The following MTA1 variants were observed in gnomAD, a reference collection of about 807,000 sequenced individuals.
The protein encoded by MTA1 is metastasis-associated protein MTA1.
A neutral mutation model predicts 97.0 loss-of-function variants in MTA1; 15 were observed. The observed-to-expected ratio is 0.15, with a 90% CI of 0.10 to 0.24. The LOEUF is 0.24. Among genes scored for constraint, MTA1 ranks in the 10% least tolerant of loss-of-function variants. The pLI is 1.00. For synonymous variants in MTA1, 435 were observed against 417.5 expected, an observed-to-expected ratio of 1.04 and a Z score of -0.51; for missense variants, 709 against 1,015.1, an observed-to-expected ratio of 0.70 and a Z score of 4.10.
intron 6 of MTA1, among the ~76,000 whole-genome samples, chr14:105,451,775 CTTTTTTTGTTTTTTTTT>C (rs1424676201): frequency 1.6e-4 from 19 of 118,284 alleles, no homozygotes; most frequent in South Asian, 2.7e-4. Context: ...TTTTCTTTTT[CTTTTTTTGTTTTTTTTT>C]TTTTTTTTTT....
chr14:105,467,344 G>A (rs1330314200), intron 18 of MTA1, among the ~76,000 whole-genome samples: 1 of 152,150 alleles, frequency 6.6e-6, no homozygotes, highest in Non-Finnish European at 1.5e-5. Context: ...CAGTGTGGAT[G>A]TGCCTGGAGC....
chr14:105,451,784 T>C (rs2082946214), intron 6 of MTA1, among the ~76,000 whole-genome samples: 1 of 18,938 alleles, frequency 5.3e-5, no homozygotes, highest in Non-Finnish European at 1.4e-4. Flanking sequence ...TCTTTTTTTG[T>C]TTTTTTTTTT....
chr14:105,463,950 C>A lies in MTA1; in HGVS notation c.1077-82C>A. 1.5e-6 allele frequency: 2 copies of A among 1,366,690 alleles called. No individual in the cohort carries two copies. Among genetic ancestry groups the A allele is most frequent in the Non-Finnish European group, 2.1e-6 (2 of 959,586 alleles). 84.7% of individuals were successfully genotyped at this position (1,366,690 alleles called of 1,614,324 possible). The stretch of plus-strand genomic sequence containing the variant: ...GACGTGGTTCTGGACAAGGGGTGGT[C>A]AGCCGCGGTGCCTGCTGGGCACATG... On this transcript the variant is annotated intron_variant, in intron 12 of 20. Transcript: ENST00000331320. This position sits in a 1 kb window ranked among gnomAD's most constrained non-coding sequence, Gnocchi z 5.9.
chr14:105,431,705 A>C (rs2082181686), intron 1 of MTA1, among the ~76,000 whole-genome samples: 1 of 152,056 alleles, frequency 6.6e-6, no homozygotes, highest in African/African-American at 2.4e-5. Flanking sequence ...GGCTCACTAC[A>C]ACCTCTGCCT....
At chr14:105,465,611 G>A (rs1316936165) in intron 16 of MTA1, 1 of 154,492 alleles carries the variant, frequency 6.5e-6, no homozygotes, top group Non-Finnish European at 1.4e-5. Flanking sequence ...TACTTCCTGA[G>A]CCACGCCCAC....
intron 1 of MTA1, among the ~76,000 whole-genome samples, chr14:105,428,063 A>G (rs1365749893): frequency 1.3e-5 from 2 of 151,046 alleles, no homozygotes; most frequent in East Asian, 3.9e-4. Context: ...CACGTTTCAC[A>G]TGGCAAACCC....
chr14:105,450,372 G>A, intron 6 of MTA1, 48 bp downstream of exon 6: 1 of 1,572,120 alleles, frequency 6.4e-7, no homozygotes, highest in Non-Finnish European at 8.7e-7. Context: ...CCGGGCCACT[G>A]TTTCCTCTAC....
At chr14:105,446,801 G>T (rs2082732550) in intron 3 of MTA1, among the ~76,000 whole-genome samples, 1 of 152,250 alleles carries the variant, frequency 6.6e-6, no homozygotes, top group African/African-American at 2.4e-5. Flanking sequence ...GTCCACTCTG[G>T]ACACTGGGCT....
At chr14:105,466,141 G>T (rs1201625373) in intron 16 of MTA1, 5 of 508,106 alleles carry the variant, frequency 9.8e-6, no homozygotes, top group Non-Finnish European at 1.8e-5. Flanking sequence ...GGATCCTGTT[G>T]TCCCGGGGCT....
chr14:105,453,162 G>A (rs2083007591), intron 6 of MTA1, among the ~76,000 whole-genome samples: 1 of 152,270 alleles, frequency 6.6e-6, no homozygotes, highest in Admixed American at 6.5e-5. Context: ...CCTGGTGTGA[G>A]GTTGCCTGAG....
chr14:105,428,383 C>T (rs2082075197), intron 1 of MTA1, among the ~76,000 whole-genome samples: 1 of 152,108 alleles, frequency 6.6e-6, no homozygotes, highest in Admixed American at 6.6e-5. Flanking sequence ...CTCCACCTCC[C>T]AGGCTCAAGT....
In MTA1 at chr14:105,424,115, A is replaced by G. The variant is rs2081936768; in HGVS notation, c.28+4052A>G. Among the ~76,000 whole-genome samples the G allele has an allele frequency of 6.6e-6, 1 of 152,224 alleles. No homozygotes were observed. The highest frequency in any genetic ancestry group is 2.4e-5 in the African/African-American group (1 of 41,460). On this transcript the variant is annotated intron_variant, in intron 1 of 20. Coordinates refer to ENST00000331320, the MANE Select transcript of MTA1 (RefSeq NM_004689.4). This position sits in a 1 kb window ranked among gnomAD's most constrained non-coding sequence, Gnocchi z 4.0. ...TGAGGATCGGCCTCAGCACTGCGCC[A>G]TTGGCAGCCCTGGCTCACTCTCCAG...
intron 13 of MTA1, 117 bp from the exon 14 acceptor site, chr14:105,464,299 G>C: frequency 7.0e-7 from 1 of 1,434,512 alleles, no homozygotes; most frequent in East Asian, 2.4e-5. Flanking sequence ...GAGAGCCTCG[G>C]GGAACGTGTG....
At chr14:105,466,907 C>T in intron 18 of MTA1, 165 bp downstream of exon 18, 2 of 721,690 alleles carry the variant, frequency 2.8e-6, no homozygotes, top group Non-Finnish European at 4.4e-6. Flanking sequence ...CATCACTGGT[C>T]CCTTGGTGAA....
intron 2 of MTA1, among the ~76,000 whole-genome samples, chr14:105,441,571 G>C (rs2141499518): frequency 6.6e-6 from 1 of 152,338 alleles, no homozygotes; most frequent in African/African-American, 2.4e-5. Flanking sequence ...GAGGCGGGCG[G>C]ATCACAAGAT....
chr14:105,447,944 C>G (rs1391732981), intron 3 of MTA1, among the ~76,000 whole-genome samples: 1 of 152,176 alleles, frequency 6.6e-6, no homozygotes. Flanking sequence ...CTCTGGCTCT[C>G]CCACGTCACT....
chr14:105,448,409 C>T (rs1456700556), intron 3 of MTA1, among the ~76,000 whole-genome samples: 1 of 152,174 alleles, frequency 6.6e-6, no homozygotes, highest in Non-Finnish European at 1.5e-5. Context: ...GTTTCGGAGC[C>T]GCTGTGGGCT....
chr14:105,437,020 G>A (rs928169056), intron 1 of MTA1, among the ~76,000 whole-genome samples: 15 of 152,232 alleles, frequency 9.9e-5, no homozygotes, highest in African/African-American at 3.4e-4. Context: ...TGCTGTGCGT[G>A]TCCCCCGGGC....
chr14:105,429,096 G>A (rs1206410541), intron 1 of MTA1, among the ~76,000 whole-genome samples: 1 of 152,180 alleles, frequency 6.6e-6, no homozygotes, highest in East Asian at 1.9e-4. Context: ...GCTAGCTTCA[G>A]ATTTTTCTTC....
Sources: allele counts gnomAD v4.1 joint callset (sites outside exome capture counted in the v4.1 genomes callset), GRCh38; gene constraint gnomAD v4.1.1; non-coding constraint Gnocchi (gnomAD v3.1); transcripts MANE v1.5; gene names NCBI Gene and HGNC (gene_info 2026-07-23, HGNC 2026-07-21).